The following RIMS1 variants were observed in gnomAD, a reference collection of about 807,000 sequenced individuals.
RIMS1 encodes the protein regulating synaptic membrane exocytosis 1.
In RIMS1, 83 loss-of-function variants were observed where a neutral mutation model predicts 214.1. That is an observed-to-expected ratio of 0.39 (90% confidence interval 0.32 to 0.47). The LOEUF (loss-of-function observed/expected upper bound fraction) is 0.47. Ranked by LOEUF, RIMS1 falls within the 20% of genes least tolerant of loss-of-function variation. The pLI is 0.99. For synonymous variants in RIMS1, 793 were observed against 786.8 expected, an observed-to-expected ratio of 1.01 and a Z score of -0.13; for missense variants, 2,050 against 2,161.8, an observed-to-expected ratio of 0.95 and a Z score of 1.03.
chr6:71,938,820 C>T (rs1785224272), intron 1 of RIMS1, among the ~76,000 whole-genome samples: 1 of 152,180 alleles, frequency 6.6e-6, no homozygotes, highest in Non-Finnish European at 1.5e-5. Context: ...TTTATCTATA[C>T]TTATCTCTAT....
At chr6:72,063,969 A>G (rs1828592984) in intron 2 of RIMS1, among the ~76,000 whole-genome samples, 1 of 151,986 alleles carries the variant, frequency 6.6e-6, no homozygotes, top group Non-Finnish European at 1.5e-5. Context: ...TTACCTCTTT[A>G]CTTGTCTGTC....
chr6:72,012,251 G>C (rs868639657), intron 2 of RIMS1, among the ~76,000 whole-genome samples: 2 of 152,002 alleles, frequency 1.3e-5, no homozygotes, highest in Non-Finnish European at 2.9e-5. Flanking sequence ...AACACCGCAT[G>C]TTGTCACTCA....
intron 1 of RIMS1, among the ~76,000 whole-genome samples, chr6:71,914,695 C>T (rs1018178177): frequency 6.6e-6 from 1 of 152,160 alleles, no homozygotes; most frequent in African/African-American, 2.4e-5. Context: ...TCATTGTAGT[C>T]TCCATTGCAC....
At chr6:72,140,896 G>A (rs993636486) in intron 4 of RIMS1, among the ~76,000 whole-genome samples, 1 of 151,978 alleles carries the variant, frequency 6.6e-6, no homozygotes, top group Non-Finnish European at 1.5e-5. Flanking sequence ...TTTTCCTAAG[G>A]GTTTGGGGTT....
intron 6 of RIMS1, among the ~76,000 whole-genome samples, chr6:72,226,087 C>T (rs1348698413): frequency 1.3e-5 from 2 of 151,982 alleles, no homozygotes; most frequent in African/African-American, 4.8e-5. Flanking sequence ...AAGACCATGA[C>T]CACATTCTTA....
chr6:72,249,963 A>G (rs150140669), intron 12 of RIMS1, among the ~76,000 whole-genome samples: 151 of 152,268 alleles, frequency 9.9e-4, no homozygotes, highest in African/African-American at 3.6e-3. Flanking sequence ...CGCTATAATA[A>G]TTTAGACACA....
intron 2 of RIMS1, among the ~76,000 whole-genome samples, chr6:72,064,250 G>A (rs765622297): frequency 8.6e-5 from 13 of 151,922 alleles, no homozygotes; most frequent in Non-Finnish European, 1.0e-4. Context: ...CCCAGGAGGC[G>A]GAGGTTGCAG....
At chr6:71,986,190 GT>G (rs35395914) in intron 2 of RIMS1, among the ~76,000 whole-genome samples, 93,801 of 131,850 alleles carry the variant, frequency 0.71, 31,740 homozygotes, top group East Asian at 0.96. Flanking sequence ...TTTGGGTTTT[GT>G]TTTTTTTTTT....
intron 12 of RIMS1, among the ~76,000 whole-genome samples, chr6:72,248,801 T>C (rs184307976): frequency 6.6e-6 from 1 of 152,252 alleles, no homozygotes; most frequent in East Asian, 1.9e-4. Context: ...GGTTTGCCTT[T>C]GTGGTTTTCT....
intron 10 of RIMS1, among the ~76,000 whole-genome samples, chr6:72,242,791 C>A (rs1278471246): frequency 6.6e-6 from 1 of 151,594 alleles, no homozygotes; most frequent in Non-Finnish European, 1.5e-5. Context: ...TAACAAACTC[C>A]TCTTCTTGTG....
chr6:71,988,554 G>A (rs888831564), intron 2 of RIMS1, among the ~76,000 whole-genome samples: 2 of 152,148 alleles, frequency 1.3e-5, no homozygotes, highest in African/African-American at 2.4e-5. Context: ...CGTGTTTACT[G>A]TGATAAATTG....
intron 1 of RIMS1, among the ~76,000 whole-genome samples, chr6:71,936,287 A>C (rs2150962554): frequency 7.7e-6 from 1 of 129,134 alleles, no homozygotes; most frequent in South Asian, 2.5e-4. Context: ...AGATCGCGCC[A>C]CTGCACTCCA....
At chr6:72,103,810 T>C (rs993060912) in intron 4 of RIMS1, among the ~76,000 whole-genome samples, 4 of 152,166 alleles carry the variant, frequency 2.6e-5, no homozygotes, top group Non-Finnish European at 5.9e-5. Context: ...TTTGTTATTG[T>C]CTTTTTGATT....
At chr6:72,043,239 G>A (rs1166795132) in intron 2 of RIMS1, among the ~76,000 whole-genome samples, 1 of 151,448 alleles carries the variant, frequency 6.6e-6, no homozygotes, top group East Asian at 1.9e-4. Context: ...TCCTGAAAAG[G>A]CAAGTTTCTC....
At chr6:71,907,681 T>C (rs1285921557) in intron 1 of RIMS1, among the ~76,000 whole-genome samples, 7 of 152,186 alleles carry the variant, frequency 4.6e-5, no homozygotes, top group Admixed American at 4.6e-4. Flanking sequence ...AATAAAAATT[T>C]CTAACTATCA....
At chr6:72,161,552 G>A (rs1476964471) in intron 4 of RIMS1, among the ~76,000 whole-genome samples, 2 of 138,984 alleles carry the variant, frequency 1.4e-5, no homozygotes, top group African/African-American at 2.5e-5. Context: ...TCTAAACACT[G>A]CTTTGAATGT....
chr6:72,274,657 A>G (rs1043400070), intron 23 of RIMS1, among the ~76,000 whole-genome samples: 1 of 152,214 alleles, frequency 6.6e-6, no homozygotes, highest in Admixed American at 6.5e-5. Context: ...GGATCCATTG[A>G]AAGGATGTTC....
intron 2 of RIMS1, among the ~76,000 whole-genome samples, chr6:72,022,803 A>G (rs1334986398): frequency 2.0e-5 from 3 of 152,196 alleles, no homozygotes; most frequent in Admixed American, 2.0e-4. Flanking sequence ...TTAGGTGCAA[A>G]TAAAGAGGAA....
At chr6:71,932,817 G>C (rs538269545) in intron 1 of RIMS1, among the ~76,000 whole-genome samples, 4 of 151,878 alleles carry the variant, frequency 2.6e-5, no homozygotes, top group Non-Finnish European at 5.9e-5. Flanking sequence ...AAGTTAATTT[G>C]AGAAAAGAAA....
Sources: gnomAD v4.1 joint callset for allele counts (sites outside exome capture counted in the v4.1 genomes callset) on GRCh38, gnomAD v4.1.1 for gene constraint, MANE v1.5 for transcripts, NCBI Gene and HGNC (gene_info 2026-07-23, HGNC 2026-07-21) for gene names.